Variants in PAX8 observed in about 807,000 individuals in gnomAD.
The protein encoded by PAX8 is paired box protein Pax-8.
Under a neutral mutation model 52.4 loss-of-function variants are expected in PAX8, and 15 were observed. That is an observed-to-expected ratio of 0.29 (90% CI 0.19 to 0.44). PAX8 has a LOEUF of 0.44. Ranked by LOEUF, PAX8 falls within the 20% of genes least tolerant of loss-of-function variation. PAX8 has a pLI of 1.00. For synonymous variants in PAX8, 284 were observed against 249.7 expected (o/e 1.14, Z -1.29); for missense variants, 554 against 602.5 (o/e 0.92, Z 0.84).
Position 113,218,522 on chromosome 2 carries a change from C to A in PAX8, c.*11G>T, listed in dbSNP as rs1046792757. ...CCTGTTGCTCAGTCGCTCCCACTGT[C>A]CCCATGGCAACTACAGATGGTCAAA... On this transcript the variant is annotated 3_prime_UTR_variant, in exon 12 of 12. Coordinates refer to ENST00000429538, the MANE Select transcript of PAX8 (RefSeq NM_003466.4). 11 of 1,534,690 alleles carry A rather than the reference C, an allele frequency of 7.2e-6. No individual in the cohort carries two copies. The Middle Eastern group carries it at 1.0e-3, about 141-fold the overall frequency.
intron 2 of PAX8, chr2:113,272,327 G>T (rs1463132189): frequency 1.3e-5 from 2 of 152,092 alleles, no homozygotes; most frequent in Non-Finnish European, 2.9e-5. Flanking sequence ...ATATTTTTCT[G>T]GCCAGTGGCT....
At chr2:113,226,445 G>C in intron 10 of PAX8, 1 of 987,742 alleles carries the variant, frequency 1.0e-6, no homozygotes. Flanking sequence ...ATCTTCATTT[G>C]TCCAGACCTT....
At position 113,244,713 on chromosome 2, in the gene PAX8, G is replaced by A. The variant is rs1417411455; in HGVS notation, c.192-89C>T. ...TAGCCAGAGCCTCCCTCCTCTCTGA[G>A]GCTTCTGGGTAGGGGTATGAGAGTG... On this transcript the variant is annotated intron_variant, in intron 3 of 11. Transcript: ENST00000429538. The A allele has an allele frequency of 3.3e-6, 4 of 1,221,458 alleles. No homozygotes were observed. The East Asian group carries it at 9.3e-5, about 28-fold the overall frequency. 75.7% of individuals were successfully genotyped at this position (1,221,458 alleles called of 1,614,324 possible).
intron 2 of PAX8, among the ~76,000 whole-genome samples, chr2:113,260,488 CAG>C (rs5833495): frequency 0.24 from 36,746 of 151,670 alleles, 4,617 homozygotes; most frequent in Non-Finnish European, 0.28. Context: ...AAAAATCACT[CAG>C]AGATGGGTAA....
At chr2:113,278,170 T>C (rs908028645) in intron 2 of PAX8, among the ~76,000 whole-genome samples, 200 bp downstream of exon 2, 2 of 152,190 alleles carry the variant, frequency 1.3e-5, no homozygotes, top group African/African-American at 4.8e-5. Context: ...GCGGCTCAGC[T>C]GGCCGGGTGG....
chr2:113,233,025 T>G, intron 9 of PAX8, among the ~76,000 whole-genome samples: 1 of 52,060 alleles, frequency 1.9e-5, no homozygotes, highest in Non-Finnish European at 3.9e-5. Flanking sequence ...CCTCACCCCC[T>G]CCCCTCCCCT....
In PAX8 at chr2:113,242,601, T is replaced by C. The variant is rs568511290; in HGVS notation, c.478+89A>G. ...GTGCACAGCTATGTCTGTGTGGGTG[T>C]GTCTGTGTGTGCCTCTGTGTATATG... On this transcript the variant is annotated intron_variant, in intron 5 of 11. Coordinates refer to ENST00000429538, the MANE Select transcript of PAX8 (RefSeq NM_003466.4). 9.1e-6 allele frequency: 8 copies of C among 875,942 alleles called. No homozygotes were observed. The East Asian group carries it at 1.4e-4, about 16-fold the overall frequency. 54.3% of individuals were successfully genotyped at this position (875,942 alleles called of 1,614,324 possible).
In PAX8 at chr2:113,216,156, G is replaced by A. The variant is rs533796590; in HGVS notation, c.*2377C>T. On this transcript the variant is annotated 3_prime_UTR_variant, in exon 12 of 12. Transcript: ENST00000429538. ...TGTGCTCAAAGTGATTCTTGGGTAG[G>A]GAGCCCTCGGGATCCCAGAGGTTTG... 4.4e-6 allele frequency: 1 copy of A among 229,678 alleles called. No homozygotes were observed. Among genetic ancestry groups the A allele is most frequent in the Non-Finnish European group, 8.6e-6 (1 of 115,856 alleles). The allele number at this position is 229,678 out of a possible 1,614,324, so 14.2% of individuals were successfully genotyped here. A position where few individuals can be genotyped will look rare whatever the true frequency, so the allele number is the denominator to read the frequency against.
At chr2:113,277,518 T>G (rs912386082) in intron 2 of PAX8, among the ~76,000 whole-genome samples, 2 of 152,116 alleles carry the variant, frequency 1.3e-5, no homozygotes, top group African/African-American at 4.8e-5. Context: ...CCTGGCCCCA[T>G]AAATCGCCTT....
chr2:113,226,392 A>C (rs2104429683), intron 10 of PAX8: 1 of 986,072 alleles, frequency 1.0e-6, no homozygotes, highest in South Asian at 4.7e-5. Flanking sequence ...TCTTCCCTAC[A>C]TGGCTCCTAA....
intron 2 of PAX8, 54 bp from the exon 3 acceptor site, chr2:113,246,973 T>A (rs946432888): frequency 6.5e-7 from 1 of 1,532,538 alleles, no homozygotes; most frequent in African/African-American, 1.4e-5. Flanking sequence ...GGAGTTTGGG[T>A]GGGGATTAGC....
intron 2 of PAX8, among the ~76,000 whole-genome samples, chr2:113,249,059 G>A (rs1691558644): frequency 1.3e-5 from 2 of 152,266 alleles, no homozygotes; most frequent in South Asian, 4.1e-4. Flanking sequence ...CACCCAGCAA[G>A]AAGGATGCAA....
At chr2:113,265,142 T>C (rs551510095) in intron 2 of PAX8, among the ~76,000 whole-genome samples, 1 of 152,292 alleles carries the variant, frequency 6.6e-6, no homozygotes, top group Non-Finnish European at 1.5e-5. Flanking sequence ...AAAAAGTGAA[T>C]AACCTAGCTA....
intron 2 of PAX8, chr2:113,272,186 A>C (rs531550951): frequency 6.6e-6 from 1 of 152,220 alleles, no homozygotes; most frequent in Admixed American, 6.5e-5. Context: ...TTGATCTTAG[A>C]CATGCCTCAG....
intron 9 of PAX8, among the ~76,000 whole-genome samples, chr2:113,233,330 G>GAAA (rs35244828): frequency 5.1e-5 from 7 of 137,842 alleles, no homozygotes; most frequent in Admixed American, 7.3e-5. Flanking sequence ...ATGTACGGAG[G>GAAA]AAAAAAAAAA....
intron 2 of PAX8, among the ~76,000 whole-genome samples, chr2:113,264,346 C>T (rs1692901363): frequency 6.6e-6 from 1 of 152,232 alleles, no homozygotes; most frequent in African/African-American, 2.4e-5. Flanking sequence ...CAGGTTCCCT[C>T]AAAGGCTGCA....
chr2:113,243,677 C>T (rs963403215), intron 4 of PAX8, among the ~76,000 whole-genome samples: 2 of 152,232 alleles, frequency 1.3e-5, no homozygotes, highest in Non-Finnish European at 2.9e-5. Flanking sequence ...CAGGCATGAG[C>T]CACTGCACCT....
chr2:113,221,288 G>C (rs543421473), intron 10 of PAX8, among the ~76,000 whole-genome samples: 2,788 of 152,264 alleles, frequency 0.018, 101 homozygotes, highest in African/African-American at 0.064. Context: ...CCAACCCTGA[G>C]ACTCAATGAA....
chr2:113,228,488 A>C (rs1181346832), intron 9 of PAX8, among the ~76,000 whole-genome samples: 1 of 152,168 alleles, frequency 6.6e-6, no homozygotes. Context: ...TGTCCTGTGC[A>C]TTGTAGGATG....
Sources: allele counts gnomAD v4.1 joint callset (sites outside exome capture counted in the v4.1 genomes callset), GRCh38; gene constraint gnomAD v4.1.1; transcripts MANE v1.5; gene names NCBI Gene and HGNC (gene_info 2026-07-23, HGNC 2026-07-21).